Variants in EML4 observed in about 807,000 individuals in gnomAD.
EML4 encodes the protein EMAP like 4.
Under a neutral mutation model 129.0 loss-of-function variants are expected in EML4, and 72 were observed. The ratio of observed to expected loss-of-function variants is 0.56; its 90% CI spans 0.46 to 0.68. The LOEUF is 0.68. Among genes scored for constraint, EML4 ranks in the 30% least tolerant of loss-of-function variants. The pLI, the probability that EML4 is intolerant of heterozygous loss-of-function variation, is 0.00. For missense variants in EML4, 1,363 were observed against 1,190.6 expected (o/e 1.14, Z -2.13); for synonymous variants, 532 against 405.0 (o/e 1.31, Z -3.77).
chr2:42,187,160 C>G (rs1671302380), intron 1 of EML4, among the ~76,000 whole-genome samples: 1 of 151,938 alleles, frequency 6.6e-6, no homozygotes, highest in African/African-American at 2.4e-5. Context: ...CCTCTCACTT[C>G]AGCCTCCCAA....
chr2:42,181,583 A>T (rs1037962515), intron 1 of EML4, among the ~76,000 whole-genome samples: 2 of 152,164 alleles, frequency 1.3e-5, no homozygotes, highest in Non-Finnish European at 2.9e-5. Flanking sequence ...GGTGTGAGCC[A>T]CCGCGCCTGG....
At chr2:42,261,391 G>T (rs991634866) in intron 4 of EML4, 97 bp downstream of exon 4, 7 of 1,094,700 alleles carry the variant, frequency 6.4e-6, no homozygotes, top group Middle Eastern at 2.2e-4. Context: ...GATTCTGAGA[G>T]AAAAAGCTGG....
intron 1 of EML4, among the ~76,000 whole-genome samples, chr2:42,211,287 G>A (rs1672872212): frequency 6.6e-6 from 1 of 152,150 alleles, no homozygotes; most frequent in African/African-American, 2.4e-5. Flanking sequence ...GGGGTGTGAG[G>A]CTTATATGAG....
At chr2:42,262,507 T>G (rs772211324) in intron 4 of EML4, among the ~76,000 whole-genome samples, 7 of 152,222 alleles carry the variant, frequency 4.6e-5, no homozygotes, top group Non-Finnish European at 7.3e-5. Context: ...CCTGGAAATG[T>G]GCTTGCCCTC....
intron 1 of EML4, among the ~76,000 whole-genome samples, chr2:42,244,088 GTTTTTGTTTTTTGT>G (rs1190173947): frequency 9.5e-5 from 6 of 62,998 alleles, no homozygotes; most frequent in Non-Finnish European, 2.1e-4. Flanking sequence ...TTTGTTTTTT[GTTTTTGTTTTTTGT>G]TTTTTTTTTT....
chr2:42,251,447 C>T (rs566081850), intron 2 of EML4, among the ~76,000 whole-genome samples: 2 of 152,316 alleles, frequency 1.3e-5, no homozygotes, highest in East Asian at 1.9e-4. Context: ...TTCTTTGTCA[C>T]TTCCACTCAA....
rs145676519 is a variant in EML4 at position 42,196,084 on chromosome 2, C to T, written c.25+26448C>T. 6.4e-4 allele frequency among the ~76,000 whole-genome samples: 97 copies of T among 152,200 alleles called. 1 individual carries two copies. In the East Asian group the frequency reaches 0.011, roughly 18 times the overall value. ...GGTCATTAACTGAGAATTTTGGAAT[C>T]AGAGAGATTTGAGATTGAACCTTGT... On this transcript the variant is annotated intron_variant, in intron 1 of 22. Transcript: ENST00000318522.
intron 9 of EML4, among the ~76,000 whole-genome samples, chr2:42,285,023 G>A (rs886100097): frequency 6.6e-6 from 1 of 152,020 alleles, no homozygotes; most frequent in Admixed American, 6.6e-5. Flanking sequence ...GGAAGGTACT[G>A]CAGTTTCCCT....
chr2:42,275,233 T>C (rs1666590917), intron 6 of EML4, among the ~76,000 whole-genome samples: 2 of 152,200 alleles, frequency 1.3e-5, no homozygotes, highest in South Asian at 4.1e-4. Context: ...ATAAAAAAAT[T>C]ATTAGTGAGA....
chr2:42,201,378 C>T (rs1484521630), intron 1 of EML4, among the ~76,000 whole-genome samples: 2 of 152,162 alleles, frequency 1.3e-5, no homozygotes, highest in Admixed American at 6.5e-5. Flanking sequence ...CCCAAGAGCG[C>T]ACAGCTAGGC....
At chr2:42,271,091 G>A (rs1572664222) in intron 6 of EML4, among the ~76,000 whole-genome samples, 2 of 151,798 alleles carry the variant, frequency 1.3e-5, no homozygotes, top group Non-Finnish European at 2.9e-5. Context: ...ACAAGGTTTC[G>A]CCATGTTGCC....
intron 13 of EML4, among the ~76,000 whole-genome samples, chr2:42,297,129 G>A (rs1043686495): frequency 3.3e-5 from 5 of 152,114 alleles, no homozygotes; most frequent in African/African-American, 9.7e-5. Flanking sequence ...ATTTACACAC[G>A]AGAAGAATGG....
rs1477367415 is a variant in EML4, at chr2:42,264,712, A to G, written c.648A>G (p.Lys216=). ...PKVTKTADKH[K]DVIINQEGEY... ...TCTTAAATTTCTTTTCTAGGCATAAAGATGTCATCATCAACCAAGGTAAAT... is the reference window on the plus strand; with the variant it reads ...TCTTAAATTTCTTTTCTAGGCATAAGGATGTCATCATCAACCAAGGTAAAT... The change falls in exon 6 of 23, where the codon AAA becomes AAG. Residue 216 remains lysine (K), a synonymous_variant. Coordinates refer to ENST00000318522, the MANE Select transcript of EML4 (RefSeq NM_019063.5). 1.4e-6 allele frequency: 2 copies of G among 1,440,228 alleles called. No homozygotes were observed. The highest frequency in any genetic ancestry group is 1.8e-5 in the Admixed American group (1 of 54,518). 89.2% of individuals were successfully genotyped at this position (1,440,228 alleles called of 1,614,324 possible).
intron 1 of EML4, among the ~76,000 whole-genome samples, chr2:42,183,198 T>C: frequency 6.6e-6 from 1 of 152,160 alleles, no homozygotes; most frequent in East Asian, 1.9e-4. Context: ...TAACAAATAT[T>C]TATTAAGTAA....
intron 13 of EML4, among the ~76,000 whole-genome samples, chr2:42,296,121 T>C (rs1667935287): frequency 6.6e-6 from 1 of 152,218 alleles, no homozygotes; most frequent in Non-Finnish European, 1.5e-5. Flanking sequence ...AATAACCTTT[T>C]TTAAACCCCA....
At chr2:42,188,897 A>C (rs1322907192) in intron 1 of EML4, among the ~76,000 whole-genome samples, 1 of 152,212 alleles carries the variant, frequency 6.6e-6, no homozygotes, top group Non-Finnish European at 1.5e-5. Flanking sequence ...TGGGAGTCCA[A>C]GGCAGGAGGA....
chr2:42,316,387 C>T (rs764668093), intron 18 of EML4, among the ~76,000 whole-genome samples: 1 of 152,102 alleles, frequency 6.6e-6, no homozygotes, highest in Non-Finnish European at 1.5e-5. Flanking sequence ...GGTTAGCAAG[C>T]TTTTCTTTAT....
chr2:42,266,002 G>T (rs1395803160), intron 6 of EML4, among the ~76,000 whole-genome samples: 1 of 152,150 alleles, frequency 6.6e-6, no homozygotes, highest in African/African-American at 2.4e-5. Context: ...TCCTTTCTGT[G>T]CATGGTTTTC....
At chr2:42,279,162 G>GTA (rs759315600) in intron 6 of EML4, among the ~76,000 whole-genome samples, 118 of 151,978 alleles carry the variant, frequency 7.8e-4, no homozygotes, top group African/African-American at 2.4e-3. Context: ...GTGTGTGTGT[G>GTA]TATATATATA....
Sources: gnomAD v4.1 joint callset for allele counts (sites outside exome capture counted in the v4.1 genomes callset) on GRCh38, gnomAD v4.1.1 for gene constraint, MANE v1.5 for transcripts, NCBI Gene and HGNC (gene_info 2026-07-23, HGNC 2026-07-21) for gene names.